NMRK2: variants seen among roughly 807,000 people sequenced by gnomAD.
NMRK2 encodes the protein nicotinamide riboside kinase 2.
A neutral mutation model predicts 24.7 loss-of-function variants in NMRK2; 34 were observed. The observed-to-expected ratio is 1.37, with a 90% CI of 1.05 to 1.83. NMRK2 has a LOEUF of 1.83. NMRK2 is among the 40% of genes most tolerant of loss of function. The pLI is 0.00. For synonymous variants in NMRK2, 145 were observed against 125.6 expected, an observed-to-expected ratio of 1.15 and a Z score of -1.03; for missense variants, 341 against 315.0, an observed-to-expected ratio of 1.08 and a Z score of -0.62.
chr19:3,938,902 G>C (rs2039276475), intron 5 of NMRK2, 143 bp downstream of exon 5: 1 of 646,156 alleles, frequency 1.5e-6, no homozygotes, highest in Non-Finnish European at 2.3e-6. Flanking sequence ...AGGCTGGAGT[G>C]CAGTGGTGAG....
In NMRK2 at chr19:3,942,069, C is replaced by T; in HGVS notation, c.503-14C>T. ...TTCCTCCCGGCAGCCCTGACGCAGC[C>T]TTTCTGATTTCAGTCTACCTGGACG... On this transcript the variant is annotated splice_polypyrimidine_tract_variant and intron_variant, in intron 7 of 7. Transcript: ENST00000168977. The T allele has an allele frequency of 6.2e-7, 1 of 1,610,152 alleles. No homozygotes were observed. The highest frequency in any genetic ancestry group is 1.1e-5 in the South Asian group (1 of 91,044).
Position 3,941,175 on chromosome 19 carries a change from T to C in NMRK2, c.500T>C (p.Val167Ala). ...RQEMEANGVE[V>A]VYLDGMKSRE... ...GAGATGGAGGCCAACGGTGTGGAAGTGGGTAAGCCCCTGAGCATGACCAGG... is the reference window on the plus strand; with the variant it reads ...GAGATGGAGGCCAACGGTGTGGAAGCGGGTAAGCCCCTGAGCATGACCAGG... The change falls in exon 7 of 8, where the codon GTG becomes GCG. Residue 167 changes from valine (V) to alanine (A), a missense_variant and splice_region_variant. Physicochemically the swap from Val to Ala is moderately conservative, Grantham distance 64 (BLOSUM62 0). Transcript: ENST00000168977. 1 of 1,303,964 alleles carries C rather than the reference T, an allele frequency of 7.7e-7. No individual in the cohort carries two copies. The highest frequency in any genetic ancestry group is 1.0e-6 in the Non-Finnish European group (1 of 963,246). The allele number at this position is 1,303,964 out of a possible 1,614,324, so 80.8% of individuals were successfully genotyped here. A position where few individuals can be genotyped will look rare whatever the true frequency, so the allele number is the denominator to read the frequency against.
chr19:3,940,169 A>G (rs1273816072), intron 6 of NMRK2, among the ~76,000 whole-genome samples, 198 bp downstream of exon 6: 1 of 151,580 alleles, frequency 6.6e-6, no homozygotes, highest in East Asian at 1.9e-4. Context: ...CAACATGGTG[A>G]AACCCCGTCT....
At position 3,939,888 on chromosome 19, in the gene NMRK2, C is replaced by T. The variant is rs200154352; in HGVS notation, c.324-12C>T. On this transcript the variant is annotated splice_polypyrimidine_tract_variant and intron_variant, in intron 5 of 7. Transcript: ENST00000168977. ...TCACAGGTGCTGACCGTGTCTCCCC[C>T]ACTCCGCCCAGGCCCCTGGTGGACT... 128 of 1,611,416 alleles carry T rather than the reference C, an allele frequency of 7.9e-5. 1 individual carries two copies. In the African/African-American group the frequency reaches 1.3e-3, roughly 17 times the overall value.
intron 2 of NMRK2, among the ~76,000 whole-genome samples, 180 bp downstream of exon 2, chr19:3,933,877 G>T (rs570257884): frequency 2.0e-5 from 3 of 152,136 alleles, no homozygotes; most frequent in Admixed American, 1.3e-4. Flanking sequence ...CAGTGGGAAG[G>T]GGGGCTGGAC....
intron 2 of NMRK2, among the ~76,000 whole-genome samples, chr19:3,934,188 C>T (rs1568178064): frequency 6.6e-6 from 1 of 152,034 alleles, no homozygotes; most frequent in African/African-American, 2.4e-5. Flanking sequence ...ATGGAGGTTG[C>T]AGTGAGTGCG....
rs972397880 is a variant in NMRK2, at chr19:3,938,705, A to C, written c.269A>C (p.Glu90Ala). The C allele has an allele frequency of 1.9e-6, 3 of 1,612,352 alleles. No individual in the cohort carries two copies. Reference sequence around the variant, plus strand: ...GCCCACGGGGTCAGCGTCCAGCCAGAGGCCTCGGACACCCACATCCTCCTC... The same window carrying C: ...GCCCACGGGGTCAGCGTCCAGCCAGCGGCCTCGGACACCCACATCCTCCTC... ...ARAHGVSVQP[E>A]ASDTHILLLE... The change falls in exon 5 of 8, where the codon GAG becomes GCG. Residue 90 changes from glutamate (E) to alanine (A), a missense_variant. Coordinates refer to ENST00000168977, the MANE Select transcript of NMRK2 (RefSeq NM_170678.3).
rs1307620392 is a variant in NMRK2 at position 3,942,169 on chromosome 19, G to A, written c.589G>A (p.Glu197Lys). Residue 197 changes from glutamate to lysine, a missense_variant, in exon 8 of 8, where the codon GAA becomes AAA. Glu to Lys is a moderately conservative substitution (Grantham distance 56, BLOSUM62 1). Coordinates refer to ENST00000168977, the MANE Select transcript of NMRK2 (RefSeq NM_170678.3). ...IQNSLLNRSQ[E>K]SAPSPARPAR... is the part of the protein sequence containing the mutation. ...GAACTCGCTGCTGAACCGCTCCCAG[G>A]AATCAGCCCCCTCCCCGGCTCGCCC... The A allele has an allele frequency of 1.9e-6, 3 of 1,613,196 alleles. No homozygotes were observed. The highest frequency in any genetic ancestry group is 2.7e-5 in the African/African-American group (2 of 74,934).
intron 5 of NMRK2, 74 bp from the exon 6 acceptor site, chr19:3,939,825 TG>T (rs1568181359): frequency 4.4e-6 from 6 of 1,369,240 alleles, no homozygotes; most frequent in South Asian, 3.6e-5. Context: ...AAGCCAAGGC[TG>T]GGGGGTTGGA....
At chr19:3,941,857 G>A (rs1364283255) in intron 7 of NMRK2, among the ~76,000 whole-genome samples, 2 of 152,066 alleles carry the variant, frequency 1.3e-5, no homozygotes, top group Admixed American at 1.3e-4. Context: ...TGGCCAGGCT[G>A]GTTTCGAACT....
At chr19:3,937,193 A>G in intron 3 of NMRK2, 47 bp from the exon 4 acceptor site, 2 of 1,605,766 alleles carry the variant, frequency 1.2e-6, no homozygotes, top group Non-Finnish European at 1.7e-6. Flanking sequence ...GCCGGGGGTG[A>G]GGCAGGACCG....
chr19:3,939,782 C>T lies in NMRK2; in HGVS notation c.324-118C>T, dbSNP rs920576931. The stretch of plus-strand genomic sequence containing the variant: ...CCTCCCTGACCCCTAAACTCACTGG[C>T]CCAGACCACCCCATGTGCTCGCCAC... On this transcript the variant is annotated intron_variant, in intron 5 of 7. Coordinates refer to ENST00000168977, the MANE Select transcript of NMRK2 (RefSeq NM_170678.3). The T allele has an allele frequency of 2.3e-5, 19 of 820,552 alleles. No homozygotes were observed. In the African/African-American group the frequency reaches 3.2e-4, roughly 14 times the overall value. The allele number at this position is 820,552 out of a possible 1,614,324, so 50.8% of individuals were successfully genotyped here.
At position 3,941,113 on chromosome 19, in the gene NMRK2, T is replaced by C; in HGVS notation, c.438T>C (p.Asp146=). ...TCCCTGATCCCCCCGGCCTCTTCGA[T>C]GGCCACGTGTGGCCCATGTACCAGA... ...YTVPDPPGLF[D]GHVWPMYQKY... The change falls in exon 7 of 8, where the codon GAT becomes GAC. Residue 146 remains aspartate (D), a synonymous_variant. Transcript: ENST00000168977. 1.3e-6 allele frequency: 2 copies of C among 1,541,678 alleles called. No homozygotes were observed. The highest frequency in any genetic ancestry group is 1.8e-4 in the Middle Eastern group (1 of 5,708).
At chr19:3,936,370 T>C (rs2039213042) in intron 2 of NMRK2, among the ~76,000 whole-genome samples, 1 of 152,010 alleles carries the variant, frequency 6.6e-6, no homozygotes, top group Non-Finnish European at 1.5e-5. Flanking sequence ...ATCGCGCCAC[T>C]GCACTCCAGC....
At position 3,938,685 on chromosome 19, in the gene NMRK2, C is replaced by T. The variant is rs910172363; in HGVS notation, c.249C>T (p.His83=). ...GCCCGCAGAAGTTTGCCCGTGCCCA[C>T]GGGGTCAGCGTCCAGCCAGAGGCCT... The part of the protein sequence containing the change: ...LSSPQKFARA[H]GVSVQPEASD... The change falls in exon 5 of 8, where the codon CAC becomes CAT. Residue 83 remains histidine (H), a synonymous_variant. Coordinates refer to ENST00000168977, the MANE Select transcript of NMRK2 (RefSeq NM_170678.3). The T allele has an allele frequency of 3.7e-6, 6 of 1,612,696 alleles. No homozygotes were observed. The highest frequency in any genetic ancestry group is 1.3e-5 in the African/African-American group (1 of 74,896).
Position 3,933,405 on chromosome 19 carries a change from G to GAAGAGGC in NMRK2, c.-214-51_-214-45dup, listed in dbSNP as rs1392584450. The GAAGAGGC allele has an allele frequency of 5.5e-5, 27 of 493,454 alleles. No homozygotes were observed. In the Admixed American group the frequency reaches 9.5e-4, roughly 17 times the overall value. 30.6% of individuals were successfully genotyped at this position (493,454 alleles called of 1,614,324 possible). A position where few individuals can be genotyped will look rare whatever the true frequency, so the allele number is the denominator to read the frequency against. ...GAGAGGGCAGGGAGGTGGGAGGAGG[G>GAAGAGGC]AAGAGGCAGCCCCCTGCCCGGCCAG... On this transcript the variant is annotated intron_variant, in intron 1 of 7. Transcript: ENST00000168977.
At chr19:3,939,842 T>C in intron 5 of NMRK2, 58 bp from the exon 6 acceptor site, 1 of 1,503,218 alleles carries the variant, frequency 6.7e-7, no homozygotes, top group Non-Finnish European at 9.2e-7. Context: ...TTGGATATTT[T>C]GACTGCGGTT....
intron 5 of NMRK2, among the ~76,000 whole-genome samples, 175 bp from the exon 6 acceptor site, chr19:3,939,725 G>A (rs1360991563): frequency 3.9e-5 from 6 of 152,062 alleles, no homozygotes; most frequent in East Asian, 1.9e-4. Flanking sequence ...TTTGTGGGGG[G>A]CTGCTGCAGG....
In NMRK2 at chr19:3,942,343, T is replaced by C; in HGVS notation, c.*70T>C. 1 of 1,441,952 alleles carries C rather than the reference T, an allele frequency of 6.9e-7. No homozygotes were observed. Among genetic ancestry groups the C allele is most frequent in the Non-Finnish European group, 9.4e-7 (1 of 1,067,700 alleles). 89.3% of individuals were successfully genotyped at this position (1,441,952 alleles called of 1,614,324 possible). Reference sequence around the variant, plus strand: ...CACTCCCAGTTGGGCGTCCCGGAGCTCAGGGACTGAGCCCCAAGACGCCTC... The same window carrying C: ...CACTCCCAGTTGGGCGTCCCGGAGCCCAGGGACTGAGCCCCAAGACGCCTC... On this transcript the variant is annotated 3_prime_UTR_variant, in exon 8 of 8. Coordinates refer to ENST00000168977, the MANE Select transcript of NMRK2 (RefSeq NM_170678.3).
Sources: allele counts gnomAD v4.1 joint callset (sites outside exome capture counted in the v4.1 genomes callset), GRCh38; gene constraint gnomAD v4.1.1; transcripts MANE v1.5; gene names NCBI Gene and HGNC (gene_info 2026-07-23, HGNC 2026-07-21).